ARB2A: variants seen among roughly 807,000 people sequenced by gnomAD.
The protein encoded by ARB2A is ARB2 cotranscriptional regulator A.
the ARB2A span, among the ~76,000 whole-genome samples, chr5:94,056,739 G>A: frequency 6.6e-6 from 1 of 152,284 alleles, no homozygotes; most frequent in African/African-American, 2.4e-5. Flanking sequence ...ATGTTCATAG[G>A]AGCATTATTC....
chr5:93,621,479 T>A, the ARB2A span, among the ~76,000 whole-genome samples: 1 of 152,158 alleles, frequency 6.6e-6, no homozygotes, highest in Non-Finnish European at 1.5e-5. Context: ...CCCGGGGTCG[T>A]CCGAGGCGCG....
the ARB2A span, among the ~76,000 whole-genome samples, chr5:93,631,197 T>A: frequency 6.6e-6 from 1 of 152,178 alleles, no homozygotes; most frequent in African/African-American, 2.4e-5. Flanking sequence ...AAATTTATCC[T>A]TGAGGTGCAG....
chr5:93,786,462 TA>T, the ARB2A span, among the ~76,000 whole-genome samples: 1 of 152,236 alleles, frequency 6.6e-6, no homozygotes, highest in African/African-American at 2.4e-5. Context: ...TACACTGTTA[TA>T]GCATTTTACA....
At chr5:93,776,879 G>C in the ARB2A span, among the ~76,000 whole-genome samples, 2 of 151,846 alleles carry the variant, frequency 1.3e-5, no homozygotes, top group African/African-American at 4.8e-5. Context: ...AACAAATAAA[G>C]GTACTATAAT....
At chr5:93,766,183 C>T in the ARB2A span, among the ~76,000 whole-genome samples, 1 of 152,080 alleles carries the variant, frequency 6.6e-6, no homozygotes, top group African/African-American at 2.4e-5. Context: ...CCAAAATCGA[C>T]AAATGGGATC....
At chr5:93,998,935 TAGAC>T in the ARB2A span, among the ~76,000 whole-genome samples, 1 of 152,052 alleles carries the variant, frequency 6.6e-6, no homozygotes, top group Non-Finnish European at 1.5e-5. Flanking sequence ...ATTCTTTTCT[TAGAC>T]AGGTACATTT....
At chr5:93,875,443 G>A in the ARB2A span, among the ~76,000 whole-genome samples, 1 of 152,208 alleles carries the variant, frequency 6.6e-6, no homozygotes, top group Non-Finnish European at 1.5e-5. Flanking sequence ...TGTTGGCCAG[G>A]CTGGTCTCGA....
the ARB2A span, among the ~76,000 whole-genome samples, chr5:93,947,982 T>A: frequency 2.0e-5 from 3 of 152,150 alleles, no homozygotes; most frequent in Non-Finnish European, 4.4e-5. Flanking sequence ...TATGTGTGCA[T>A]GTGTCCTTAT....
At chr5:93,755,583 G>A in the ARB2A span, among the ~76,000 whole-genome samples, 88 of 152,364 alleles carry the variant, frequency 5.8e-4, 4 homozygotes, top group East Asian at 0.016. Flanking sequence ...GCGGGAAAGG[G>A]AGAGCCTCCA....
chr5:93,902,679 A>C, the ARB2A span, among the ~76,000 whole-genome samples: 1 of 152,148 alleles, frequency 6.6e-6, no homozygotes, highest in Non-Finnish European at 1.5e-5. Context: ...TAAGAGTATC[A>C]GATGTCATTT....
chr5:93,804,752 T>C, the ARB2A span: 13 of 355,654 alleles, frequency 3.7e-5, no homozygotes, highest in Non-Finnish European at 3.9e-5. Context: ...CTTTTTAATA[T>C]ATCTGTTTTA....
At chr5:93,746,830 C>T in the ARB2A span, among the ~76,000 whole-genome samples, 3 of 152,158 alleles carry the variant, frequency 2.0e-5, no homozygotes, top group Non-Finnish European at 4.4e-5. Flanking sequence ...AGCAGTTGAG[C>T]TGAGTGGGGC....
chr5:94,015,071 G>A, the ARB2A span, among the ~76,000 whole-genome samples: 12 of 152,040 alleles, frequency 7.9e-5, no homozygotes, highest in East Asian at 1.2e-3. Context: ...AGACTTGACC[G>A]AAATAGGAGT....
the ARB2A span, among the ~76,000 whole-genome samples, chr5:94,051,271 TATAGACA>T: frequency 3.3e-5 from 5 of 152,196 alleles, no homozygotes; most frequent in Admixed American, 6.5e-5. Flanking sequence ...TGGGGATTCA[TATAGACA>T]ATAAAGTCTA....
the ARB2A span, among the ~76,000 whole-genome samples, chr5:93,787,192 A>T: frequency 6.6e-6 from 1 of 152,192 alleles, no homozygotes; most frequent in Non-Finnish European, 1.5e-5. Context: ...AGACCATGTG[A>T]TCTAAATGTC....
At chr5:93,871,900 A>G in the ARB2A span, among the ~76,000 whole-genome samples, 2 of 151,568 alleles carry the variant, frequency 1.3e-5, no homozygotes, top group African/African-American at 2.4e-5. Context: ...AATTCTTCCC[A>G]TGTTTCCTAT....
the ARB2A span, among the ~76,000 whole-genome samples, chr5:93,850,825 C>A: frequency 6.6e-6 from 1 of 151,960 alleles, no homozygotes; most frequent in African/African-American, 2.4e-5. Flanking sequence ...GCAAAATATT[C>A]CCTCTAGATA....
At chr5:94,008,706 G>A in the ARB2A span, among the ~76,000 whole-genome samples, 40 of 152,066 alleles carry the variant, frequency 2.6e-4, no homozygotes, top group Non-Finnish European at 5.3e-4. Context: ...AAATCCATAC[G>A]ATTATATGTT....
chr5:93,673,377 TTC>T, the ARB2A span, among the ~76,000 whole-genome samples: 1 of 151,992 alleles, frequency 6.6e-6, no homozygotes, highest in African/African-American at 2.4e-5. Flanking sequence ...TCTTTCTCTC[TTC>T]TCTTTTTTTT....
Sources: gnomAD v4.1 joint callset for allele counts (sites outside exome capture counted in the v4.1 genomes callset) on GRCh38, gnomAD v4.1.1 for gene constraint, MANE v1.5 for transcripts, NCBI Gene and HGNC (gene_info 2026-07-23, HGNC 2026-07-21) for gene names.